NSMCE2: variants seen among roughly 807,000 people sequenced by gnomAD.
NSMCE2 encodes the protein NSE2 SUMO ligase component of SMC5/6 complex, also known as E3 SUMO-protein ligase NSE2.
A neutral mutation model predicts 23.8 loss-of-function variants in NSMCE2; 24 were observed. The observed-to-expected ratio is 1.01, with a 90% CI of 0.73 to 1.42. The LOEUF (loss-of-function observed/expected upper bound fraction) is 1.42. Ranked by LOEUF, NSMCE2 falls within the 40% of genes most tolerant of loss-of-function variation. NSMCE2 has a pLI of 0.00. For missense variants in NSMCE2, 284 were observed against 296.5 expected, an observed-to-expected ratio of 0.96 and a Z score of 0.31; for synonymous variants, 92 against 94.1, an observed-to-expected ratio of 0.98 and a Z score of 0.13.
intron 5 of NSMCE2, among the ~76,000 whole-genome samples, chr8:125,302,969 G>A (rs1449511575): frequency 5.3e-5 from 8 of 152,222 alleles, no homozygotes; most frequent in Admixed American, 1.3e-4. Context: ...CCCAGGGCAC[G>A]GAGCAGGGTA....
At chr8:125,279,097 G>A (rs770400436) in intron 5 of NSMCE2, among the ~76,000 whole-genome samples, 1 of 152,176 alleles carries the variant, frequency 6.6e-6, no homozygotes, top group Non-Finnish European at 1.5e-5. Flanking sequence ...GTTTAGAGTT[G>A]CCAGTTAAAT....
intron 5 of NSMCE2, among the ~76,000 whole-genome samples, chr8:125,212,421 G>T (rs540042484): frequency 6.6e-6 from 1 of 152,090 alleles, no homozygotes; most frequent in Non-Finnish European, 1.5e-5. Flanking sequence ...TAGAGCTGAG[G>T]CAGTGAGAGC....
intron 5 of NSMCE2, among the ~76,000 whole-genome samples, chr8:125,298,689 T>TTTTG (rs1563770263): frequency 2.8e-5 from 2 of 71,268 alleles, no homozygotes; most frequent in African/African-American, 6.2e-5. Context: ...ATCTGTGGGT[T>TTTTG]TTTTTTTGTT....
intron 5 of NSMCE2, among the ~76,000 whole-genome samples, chr8:125,267,249 C>T (rs1407639995): frequency 6.6e-6 from 1 of 152,130 alleles, no homozygotes; most frequent in Non-Finnish European, 1.5e-5. Context: ...CTCAGTTGAT[C>T]TGCCTGCCTC....
At chr8:125,146,709 T>A (rs894945035) in intron 3 of NSMCE2, among the ~76,000 whole-genome samples, 3 of 151,924 alleles carry the variant, frequency 2.0e-5, no homozygotes, top group Non-Finnish European at 1.5e-5. Context: ...GAACACATGG[T>A]CACAGGAAGG....
chr8:125,173,734 G>T (rs377406386), intron 4 of NSMCE2, among the ~76,000 whole-genome samples: 2 of 152,282 alleles, frequency 1.3e-5, no homozygotes, highest in South Asian at 2.1e-4. Flanking sequence ...AAGTTAGGAT[G>T]TATGTCTGAA....
intron 5 of NSMCE2, among the ~76,000 whole-genome samples, chr8:125,283,304 T>C (rs1381013418): frequency 6.6e-6 from 1 of 152,180 alleles, no homozygotes; most frequent in African/African-American, 2.4e-5. Flanking sequence ...ATCCCAGCAC[T>C]TTGGGAGGCT....
intron 5 of NSMCE2, among the ~76,000 whole-genome samples, chr8:125,246,615 A>G (rs1481298512): frequency 6.6e-6 from 1 of 152,328 alleles, no homozygotes; most frequent in South Asian, 2.1e-4. Context: ...TTATCACTCA[A>G]TACTGTCAAA....
chr8:125,167,976 A>G (rs1182390619), intron 4 of NSMCE2, among the ~76,000 whole-genome samples: 3 of 152,170 alleles, frequency 2.0e-5, no homozygotes, highest in Non-Finnish European at 2.9e-5. Flanking sequence ...CCAAGCTGAA[A>G]GTCAGTTTGG....
intron 3 of NSMCE2, among the ~76,000 whole-genome samples, chr8:125,141,343 C>G (rs931780557): frequency 2.6e-5 from 4 of 152,142 alleles, no homozygotes; most frequent in Non-Finnish European, 4.4e-5. Context: ...TCATTACTCC[C>G]TGACTTTTGC....
chr8:125,250,578 T>A (rs1181057821), intron 5 of NSMCE2, among the ~76,000 whole-genome samples: 1 of 152,280 alleles, frequency 6.6e-6, no homozygotes, highest in Non-Finnish European at 1.5e-5. Context: ...TAAATTTTTA[T>A]AGCTATAATT....
At chr8:125,219,714 A>G (rs1278021897) in intron 5 of NSMCE2, among the ~76,000 whole-genome samples, 1 of 152,174 alleles carries the variant, frequency 6.6e-6, no homozygotes, top group Admixed American at 6.5e-5. Flanking sequence ...TATAAGACTT[A>G]CTCTATTTTA....
At chr8:125,131,987 G>A (rs1219123397) in intron 3 of NSMCE2, among the ~76,000 whole-genome samples, 1 of 152,192 alleles carries the variant, frequency 6.6e-6, no homozygotes, top group Non-Finnish European at 1.5e-5. Context: ...TTTGCTTTGG[G>A]GGATTCATGT....
chr8:125,188,361 C>G (rs1030799968), intron 5 of NSMCE2, among the ~76,000 whole-genome samples: 2 of 152,140 alleles, frequency 1.3e-5, no homozygotes, highest in Non-Finnish European at 2.9e-5. Context: ...GTAGTATTAC[C>G]ATAGCACAGG....
At chr8:125,160,995 A>G (rs947776631) in intron 4 of NSMCE2, among the ~76,000 whole-genome samples, 1 of 152,362 alleles carries the variant, frequency 6.6e-6, no homozygotes, top group Non-Finnish European at 1.5e-5. Flanking sequence ...TGTAATCTCT[A>G]TACATTGCTG....
intron 5 of NSMCE2, among the ~76,000 whole-genome samples, chr8:125,204,392 G>A (rs1446498287): frequency 6.6e-6 from 1 of 152,092 alleles, no homozygotes; most frequent in African/African-American, 2.4e-5. Context: ...TCTCTTTCCC[G>A]AGAGGACACT....
intron 5 of NSMCE2, chr8:125,348,128 A>C (rs781194666): frequency 3.4e-4 from 51 of 152,206 alleles, no homozygotes; most frequent in Admixed American, 1.4e-3. Flanking sequence ...GGCAAGGATT[A>C]TTTTTCACCA....
chr8:125,158,415 G>A (rs1444829802), intron 4 of NSMCE2, among the ~76,000 whole-genome samples: 1 of 152,168 alleles, frequency 6.6e-6, no homozygotes, highest in Non-Finnish European at 1.5e-5. Context: ...GAGAGGAAAA[G>A]AAGAGAGGGG....
At chr8:125,330,843 A>C (rs890969159) in intron 5 of NSMCE2, among the ~76,000 whole-genome samples, 1 of 152,082 alleles carries the variant, frequency 6.6e-6, no homozygotes, top group Non-Finnish European at 1.5e-5. Context: ...CCAGCTGTCA[A>C]GTGTGGGGTT....
Sources: gnomAD v4.1 joint callset for allele counts (sites outside exome capture counted in the v4.1 genomes callset) on GRCh38, gnomAD v4.1.1 for gene constraint, MANE v1.5 for transcripts, NCBI Gene and HGNC (gene_info 2026-07-23, HGNC 2026-07-21) for gene names.